MTMR3: variants seen among roughly 807,000 people sequenced by gnomAD.
MTMR3 encodes myotubularin related protein 3.
MTMR3 carries 32 observed loss-of-function variants against 132.4 expected under a neutral mutation model. That is an observed-to-expected ratio of 0.24 (90% CI 0.18 to 0.32). The LOEUF (loss-of-function observed/expected upper bound fraction) is 0.32, where lower values mean the gene tolerates loss of function less well. Ranked by LOEUF, MTMR3 falls within the 10% of genes least tolerant of loss-of-function variation. The pLI is 1.00. For synonymous variants in MTMR3, 556 were observed against 550.3 expected, an observed-to-expected ratio of 1.01 and a Z score of -0.14; for missense variants, 1,216 against 1,489.6, an observed-to-expected ratio of 0.82 and a Z score of 3.02.
intron 2 of MTMR3, among the ~76,000 whole-genome samples, chr22:29,966,726 CGTGTGTGTGTGTGTGTGTGTGTGT>C (rs55960706): frequency 1.1e-4 from 15 of 142,856 alleles, no homozygotes; most frequent in Non-Finnish European, 2.0e-4. Context: ...TAGGGGTGTG[CGTGTGTGTGTGTGTGTGTGTGTGT>C]GTGTGTGTGT....
intron 1 of MTMR3, among the ~76,000 whole-genome samples, chr22:29,922,483 C>G (rs1289895298): frequency 1.3e-5 from 2 of 152,068 alleles, no homozygotes; most frequent in African/African-American, 4.8e-5. Context: ...TAAGTACCTG[C>G]TTTTACTTCT....
chr22:29,941,074 CTT>C (rs1569015224), intron 1 of MTMR3, among the ~76,000 whole-genome samples: 1 of 149,962 alleles, frequency 6.7e-6, no homozygotes, highest in African/African-American at 2.5e-5. Context: ...TCTAGTTAGT[CTT>C]TCTCTGCCCT....
chr22:29,994,403 A>C, intron 7 of MTMR3: 1 of 152,162 alleles, frequency 6.6e-6, no homozygotes, highest in Non-Finnish European at 1.5e-5. Context: ...AAAAAAAAAA[A>C]AAAAAAAACA....
chr22:29,974,585 T>C (rs1428914603), intron 3 of MTMR3, among the ~76,000 whole-genome samples: 1 of 152,238 alleles, frequency 6.6e-6, no homozygotes, highest in Non-Finnish European at 1.5e-5. Context: ...TTTCAGTAGC[T>C]ACTTTGGTGA....
At chr22:30,013,111 A>G (rs1329104019) in intron 13 of MTMR3, 1 of 319,770 alleles carries the variant, frequency 3.1e-6, no homozygotes, top group Non-Finnish European at 5.7e-6. Context: ...AAAAATACAC[A>G]TTCAAGAAAG....
chr22:29,988,608 T>G (rs1295462070), intron 6 of MTMR3, 46 bp downstream of exon 6: 2 of 1,435,520 alleles, frequency 1.4e-6, no homozygotes, highest in Non-Finnish European at 1.9e-6. Flanking sequence ...GTGGAAAATA[T>G]TTTTTAAAGA....
chr22:29,931,357 A>T (rs1340567408), intron 1 of MTMR3, among the ~76,000 whole-genome samples: 4 of 152,204 alleles, frequency 2.6e-5, no homozygotes, highest in Non-Finnish European at 5.9e-5. Flanking sequence ...TATTGCTTTG[A>T]ACAAAGGAGG....
chr22:29,884,533 A>G (rs1253381744), intron 1 of MTMR3, among the ~76,000 whole-genome samples: 1 of 148,832 alleles, frequency 6.7e-6, no homozygotes, highest in Admixed American at 6.7e-5. Flanking sequence ...GTAGGCTAGA[A>G]GAGCTTACAG....
At chr22:29,996,174 T>C (rs902365865) in intron 7 of MTMR3, 2 of 152,226 alleles carry the variant, frequency 1.3e-5, no homozygotes, top group African/African-American at 4.8e-5. Context: ...TTGTATTGTG[T>C]TGTAAAACAT....
intron 1 of MTMR3, among the ~76,000 whole-genome samples, chr22:29,915,386 C>T (rs1052267940): frequency 2.6e-5 from 4 of 152,104 alleles, no homozygotes; most frequent in South Asian, 4.1e-4. Context: ...AGTTAGGTCT[C>T]GCTTTTTTAT....
In MTMR3 at chr22:30,020,572, C is replaced by T; in HGVS notation, c.2913C>T (p.Ser971=). 6.2e-7 allele frequency: 1 copy of T among 1,614,202 alleles called. No individual in the cohort carries two copies. Among genetic ancestry groups the T allele is most frequent in the Non-Finnish European group, 8.5e-7 (1 of 1,180,044 alleles). ...GEAGRSKDSL[S]RQLSAMSCSS... ...CTGGTAGGAGCAAGGACTCACTGAG[C>T]CGTCAGCTGTCTGCTATGAGCTGCA... The change falls in exon 17 of 20, where the codon AGC becomes AGT. Residue 971 remains serine (S), a synonymous_variant. Coordinates refer to ENST00000401950, the MANE Select transcript of MTMR3 (RefSeq NM_021090.4).
In MTMR3 at chr22:29,940,863, C is replaced by T. The variant is rs547843006; in HGVS notation, c.-137-16173C>T. 2.7e-5 allele frequency among the ~76,000 whole-genome samples: 4 copies of T among 149,994 alleles called. 1 individual carries two copies. In the East Asian group the frequency reaches 7.7e-4, roughly 29 times the overall value. On this transcript the variant is annotated intron_variant, in intron 1 of 19. Transcript: ENST00000401950. ...TGAGGTTGAAAACACTGGTGACCTC[C>T]CTTTGGTTATAAGAGAGACCAGGAG... is the stretch of plus-strand genomic sequence containing the variant.
chr22:29,970,957 T>TG lies in MTMR3; in HGVS notation c.-84-19_-84-18insG. The TG allele has an allele frequency of 3.9e-6, 1 of 256,392 alleles. No homozygotes were observed. The highest frequency in any genetic ancestry group is 8.0e-6 in the Non-Finnish European group (1 of 124,710). 15.9% of individuals were successfully genotyped at this position (256,392 alleles called of 1,614,324 possible). ...CCTCTTTTTTTTTTCTTCTTCCCCC[T>TG]CTTCCCCCCCACCCCCAGACTTCAC... On this transcript the variant is annotated intron_variant, in intron 2 of 19. Transcript: ENST00000401950.
In MTMR3 at chr22:29,979,383, T is replaced by C. The variant is rs1216347252; in HGVS notation, c.210+331T>C. 1.7e-5 allele frequency: 4 copies of C among 230,522 alleles called. No individual in the cohort carries two copies. The East Asian group carries it at 3.9e-4, about 23-fold the overall frequency. The allele number at this position is 230,522 out of a possible 1,614,324, so 14.3% of individuals were successfully genotyped here. A position where few individuals can be genotyped will look rare whatever the true frequency, so the allele number is the denominator to read the frequency against. On this transcript the variant is annotated intron_variant, in intron 5 of 19. Transcript: ENST00000401950. ...GGCAGGTGCCTGTAGTCCCAGCTAC[T>C]CAGGAGGCTGAGTCAGGAGAATGGC...
chr22:29,927,892 A>G (rs944840153), intron 1 of MTMR3, among the ~76,000 whole-genome samples: 17 of 149,834 alleles, frequency 1.1e-4, no homozygotes, highest in African/African-American at 3.9e-4. Context: ...TCATGACTAC[A>G]TATCCTTGTA....
At chr22:30,003,493 A>T (rs913686975) in intron 9 of MTMR3, 5 of 152,198 alleles carry the variant, frequency 3.3e-5, no homozygotes, top group African/African-American at 1.2e-4. Context: ...GATCAGAGGC[A>T]TGAGAGCCAT....
At chr22:29,937,049 CT>C (rs1356318785) in intron 1 of MTMR3, among the ~76,000 whole-genome samples, 1 of 152,076 alleles carries the variant, frequency 6.6e-6, no homozygotes, top group African/African-American at 2.4e-5. Context: ...CCTTCTACAG[CT>C]GACAAAACTA....
At chr22:29,918,662 T>C (rs2065352758) in intron 1 of MTMR3, among the ~76,000 whole-genome samples, 1 of 152,242 alleles carries the variant, frequency 6.6e-6, no homozygotes, top group Non-Finnish European at 1.5e-5. Flanking sequence ...GTATTAAATA[T>C]ATGTTGCTTT....
rs1208582266 is a variant in MTMR3, at chr22:30,027,354, GTGCA to G, written c.*1557_*1560del. 1 of 152,860 alleles carries G rather than the reference GTGCA, an allele frequency of 6.5e-6. No homozygotes were observed. The highest frequency in any genetic ancestry group is 1.5e-5 in the Non-Finnish European group (1 of 68,108). 9.5% of individuals were successfully genotyped at this position (152,860 alleles called of 1,614,324 possible). A position where few individuals can be genotyped will look rare whatever the true frequency, so the allele number is the denominator to read the frequency against. ...AGGTGTGTCTCAGGAAGGTGGTTCT[GTGCA>G]TGCCTGGGTGTGGTTAAGGCGTGGC... On this transcript the variant is annotated 3_prime_UTR_variant, in exon 20 of 20. Coordinates refer to ENST00000401950, the MANE Select transcript of MTMR3 (RefSeq NM_021090.4).
Sources: allele counts gnomAD v4.1 joint callset (sites outside exome capture counted in the v4.1 genomes callset), GRCh38; gene constraint gnomAD v4.1.1; transcripts MANE v1.5; gene names NCBI Gene and HGNC (gene_info 2026-07-23, HGNC 2026-07-21).